The following KCTD1 variants were observed in gnomAD, a reference collection of about 807,000 sequenced individuals.
KCTD1 encodes the protein potassium channel tetramerization domain containing 1, also known as BTB/POZ domain-containing protein KCTD1.
In KCTD1, 24 loss-of-function variants were observed where a neutral mutation model predicts 66.0. The observed-to-expected ratio is 0.36, with a 90% CI of 0.26 to 0.51. The LOEUF is 0.51. KCTD1 is among the 20% of genes least tolerant of loss of function. The pLI, the probability that KCTD1 is intolerant of heterozygous loss-of-function variation, is 0.95. For missense variants in KCTD1, 943 were observed against 1,205.2 expected, an observed-to-expected ratio of 0.78 and a Z score of 3.22; for synonymous variants, 511 against 517.2, an observed-to-expected ratio of 0.99 and a Z score of 0.16.
chr18:26,562,645 G>T (rs1261240112), intron 1 of KCTD1, among the ~76,000 whole-genome samples: 7 of 152,172 alleles, frequency 4.6e-5, no homozygotes, highest in African/African-American at 1.4e-4. Flanking sequence ...TCGGCTTGGG[G>T]TACTATTAAC....
chr18:26,631,572 G>A (rs144436937), upstream of KCTD1, among the ~76,000 whole-genome samples: 872 of 152,086 alleles, frequency 5.7e-3, 9 homozygotes, highest in African/African-American at 0.02. Context: ...CATGACTGAC[G>A]GTACTTCAAC....
intron 3 of KCTD1, chr18:26,461,007 T>C (rs1980391702): frequency 6.6e-6 from 1 of 152,212 alleles, no homozygotes; most frequent in African/African-American, 2.4e-5. Context: ...CTTCCGTCCA[T>C]GGGCAAGAGC....
intron 1 of KCTD1, among the ~76,000 whole-genome samples, chr18:26,616,874 A>T (rs967642264): frequency 6.6e-6 from 1 of 152,194 alleles, no homozygotes; most frequent in Non-Finnish European, 1.5e-5. Flanking sequence ...TCTCCTGGTG[A>T]TGGACAGAGA....
chr18:26,606,014 T>C (rs756463473), intron 1 of KCTD1, among the ~76,000 whole-genome samples: 3 of 152,198 alleles, frequency 2.0e-5, no homozygotes, highest in East Asian at 1.9e-4. Flanking sequence ...AAGACTTACA[T>C]TGGTTCAATC....
upstream of KCTD1, among the ~76,000 whole-genome samples, chr18:26,630,126 C>T (rs115361824): frequency 4.0e-3 from 601 of 152,128 alleles, 4 homozygotes; most frequent in African/African-American, 0.014. Flanking sequence ...GACATTTATC[C>T]GAATGGTGCA....
chr18:26,492,388 C>T (rs180828561), intron 2 of KCTD1, among the ~76,000 whole-genome samples: 2 of 152,068 alleles, frequency 1.3e-5, no homozygotes, highest in East Asian at 3.9e-4. Context: ...AATCCCAGCA[C>T]TTTGGGAGGC....
rs1297388383 is a variant in KCTD1, at chr18:26,476,449, AT to A, written c.2133+65del. On this transcript the variant is annotated intron_variant, in intron 3 of 4. Transcript: ENST00000580059. The surrounding 1 kb of genome is among the most constrained non-coding windows in gnomAD (Gnocchi z 4.9). ...ATGTTAATAATGTAGAACTAGAAAT[AT>A]TTTTTTGGAGCACATAAAAAAATCA... 11 of 1,467,180 alleles carry A rather than the reference AT, an allele frequency of 7.5e-6. No individual in the cohort carries two copies. The highest frequency in any genetic ancestry group is 9.2e-6 in the Non-Finnish European group (10 of 1,082,144). 90.9% of individuals were successfully genotyped at this position (1,467,180 alleles called of 1,614,324 possible). A position where few individuals can be genotyped will look rare whatever the true frequency, so the allele number is the denominator to read the frequency against.
intron 1 of KCTD1, among the ~76,000 whole-genome samples, chr18:26,555,356 C>T (rs564295763): frequency 1.6e-4 from 24 of 152,076 alleles, no homozygotes; most frequent in Non-Finnish European, 2.4e-4. Context: ...ACCTGGGAGG[C>T]GAAGGTTGCA....
intron 1 of KCTD1, 94 bp downstream of exon 1, chr18:26,546,634 A>T: frequency 7.2e-7 from 1 of 1,382,770 alleles, no homozygotes; most frequent in Non-Finnish European, 9.6e-7. Context: ...CTACTTTTTA[A>T]AACTTCCCCC....
intron 1 of KCTD1, among the ~76,000 whole-genome samples, chr18:26,592,128 G>A (rs938850727): frequency 6.6e-6 from 1 of 151,962 alleles, no homozygotes; most frequent in Non-Finnish European, 1.5e-5. Flanking sequence ...ACAGAGCTTC[G>A]TCACTACAAA....
intron 1 of KCTD1, among the ~76,000 whole-genome samples, chr18:26,636,801 G>T (rs1444319323): frequency 6.6e-6 from 1 of 152,214 alleles, no homozygotes; most frequent in African/African-American, 2.4e-5. Context: ...TGTTCATAAA[G>T]ATGGGCCCCC....
At chr18:26,473,043 G>A (rs1981153785) in intron 3 of KCTD1, among the ~76,000 whole-genome samples, 1 of 152,188 alleles carries the variant, frequency 6.6e-6, no homozygotes, top group South Asian at 2.1e-4. Flanking sequence ...GTCTAATTCA[G>A]CTATTATCTG....
chr18:26,651,399 G>A (rs1406052589), intron 1 of KCTD1, among the ~76,000 whole-genome samples: 2 of 152,158 alleles, frequency 1.3e-5, no homozygotes, highest in African/African-American at 4.8e-5. Context: ...TTCAGGAAAC[G>A]GATATAACCT....
chr18:26,474,635 C>G (rs887439082), intron 3 of KCTD1, among the ~76,000 whole-genome samples: 1 of 152,014 alleles, frequency 6.6e-6, no homozygotes, highest in Admixed American at 6.5e-5. Flanking sequence ...AAAAATTTTT[C>G]CACTGGGTTG....
At chr18:26,603,406 TG>T (rs1430152033) in intron 1 of KCTD1, among the ~76,000 whole-genome samples, 8 of 145,826 alleles carry the variant, frequency 5.5e-5, no homozygotes, top group Non-Finnish European at 1.2e-4. Flanking sequence ...CACTCCAGCC[TG>T]GGCAACTGGA....
At chr18:26,500,988 G>A (rs1982730009) in intron 2 of KCTD1, 84 bp downstream of exon 2, 5 of 1,465,646 alleles carry the variant, frequency 3.4e-6, no homozygotes, top group Non-Finnish European at 4.7e-6. Context: ...CCTCCACGAG[G>A]CTACACTGCT....
chr18:26,632,833 T>C (rs1568015681), upstream of KCTD1, among the ~76,000 whole-genome samples: 1 of 152,106 alleles, frequency 6.6e-6, no homozygotes, highest in African/African-American at 2.4e-5. Flanking sequence ...ATATATCAAG[T>C]TATTGGATAT....
intron 1 of KCTD1, among the ~76,000 whole-genome samples, chr18:26,514,914 T>TG (rs1211734474): frequency 1.3e-5 from 2 of 152,156 alleles, no homozygotes; most frequent in Non-Finnish European, 2.9e-5. Context: ...TAGGAGCAGA[T>TG]GGGTGAGAAG....
chr18:26,499,007 G>A (rs1156939078), intron 2 of KCTD1, among the ~76,000 whole-genome samples: 4 of 152,144 alleles, frequency 2.6e-5, no homozygotes, highest in Admixed American at 6.5e-5. Flanking sequence ...AAATCCTGGC[G>A]GGAATGAGTC....
Sources: allele counts gnomAD v4.1 joint callset (sites outside exome capture counted in the v4.1 genomes callset), GRCh38; gene constraint gnomAD v4.1.1; non-coding constraint Gnocchi (gnomAD v3.1); transcripts MANE v1.5; gene names NCBI Gene and HGNC (gene_info 2026-07-23, HGNC 2026-07-21).